The following SGMS1 variants were observed in gnomAD, a reference collection of about 807,000 sequenced individuals.
SGMS1 encodes the protein sphingomyelin synthase 1.
SGMS1 carries 13 observed loss-of-function variants against 46.2 expected under a neutral mutation model. That is an observed-to-expected ratio of 0.28 (90% CI 0.18 to 0.45). The LOEUF (loss-of-function observed/expected upper bound fraction) is 0.45, where lower values mean the gene tolerates loss of function less well. Ranked by LOEUF, SGMS1 falls within the 20% of genes least tolerant of loss-of-function variation. SGMS1 has a pLI of 1.00. For synonymous variants in SGMS1, 203 were observed against 187.8 expected (o/e 1.08, Z -0.66); for missense variants, 324 against 519.9 (o/e 0.62, Z 3.66).
At chr10:50,392,334 TAGAG>T (rs1564899632) in intron 6 of SGMS1, among the ~76,000 whole-genome samples, 1 of 152,210 alleles carries the variant, frequency 6.6e-6, no homozygotes, top group East Asian at 1.9e-4. Flanking sequence ...TATATCCATT[TAGAG>T]AGTCTTAATC....
chr10:50,369,230 G>C (rs1848396434), intron 6 of SGMS1, among the ~76,000 whole-genome samples: 1 of 152,202 alleles, frequency 6.6e-6, no homozygotes, highest in South Asian at 2.1e-4. Context: ...AGGTGCAGTG[G>C]CTCACATCTG....
intron 3 of SGMS1, among the ~76,000 whole-genome samples, chr10:50,491,038 C>T (rs1202844595): frequency 6.6e-6 from 1 of 152,074 alleles, no homozygotes; most frequent in Non-Finnish European, 1.5e-5. Flanking sequence ...CTGTAAACTG[C>T]TATTTAAAGA....
chr10:50,593,629 C>T (rs543910849), intron 1 of SGMS1, among the ~76,000 whole-genome samples: 1 of 151,994 alleles, frequency 6.6e-6, no homozygotes, highest in Non-Finnish European at 1.5e-5. Context: ...TTCCTTGGCT[C>T]CTCTTTATGG....
intron 1 of SGMS1, among the ~76,000 whole-genome samples, chr10:50,621,951 C>T (rs1174000933): frequency 1.3e-5 from 2 of 152,126 alleles, no homozygotes; most frequent in African/African-American, 4.8e-5. Flanking sequence ...TTTTAAGAGG[C>T]GCAGTAAGGA....
At chr10:50,419,199 G>A (rs1432970619) in intron 6 of SGMS1, among the ~76,000 whole-genome samples, 1 of 152,132 alleles carries the variant, frequency 6.6e-6, no homozygotes, top group East Asian at 1.9e-4. Flanking sequence ...TACTGATTAT[G>A]TAACAATGCA....
rs148550109 is a variant in SGMS1, at chr10:50,333,350, T to C, written c.624-6028A>G. ...GTCCTTTTCTACTTCTTTCTACAAA[T>C]GTTTGTTGCTTAAACCCTTTTATGT... On this transcript the variant is annotated intron_variant, in intron 7 of 10. Transcript: ENST00000361781. 1.7e-3 allele frequency among the ~76,000 whole-genome samples: 261 copies of C among 152,354 alleles called. 2 individuals carry two copies. The highest frequency in any genetic ancestry group is 2.1e-3 in the Non-Finnish European group (140 of 68,038).
chr10:50,367,430 T>A (rs1199169460), intron 6 of SGMS1, among the ~76,000 whole-genome samples: 2 of 152,196 alleles, frequency 1.3e-5, no homozygotes, highest in Non-Finnish European at 2.9e-5. Context: ...AAATTCTAAA[T>A]TCATGGCGCT....
At chr10:50,473,988 G>C (rs2133705708) in intron 3 of SGMS1, 1 of 152,352 alleles carries the variant, frequency 6.6e-6, no homozygotes, top group South Asian at 2.1e-4. Context: ...AAAGGAACTT[G>C]CCAGTTAGAT....
At chr10:50,517,834 C>A (rs564664764) in intron 3 of SGMS1, among the ~76,000 whole-genome samples, 29 of 151,894 alleles carry the variant, frequency 1.9e-4, no homozygotes, top group African/African-American at 6.8e-4. Flanking sequence ...GATGTCCTGA[C>A]GGCAAAAATG....
chr10:50,567,138 G>A lies in SGMS1; in HGVS notation c.-589+23015C>T, dbSNP rs377495991. 3.7e-3 allele frequency among the ~76,000 whole-genome samples: 557 copies of A among 152,252 alleles called. 3 individuals carry two copies. Among genetic ancestry groups the A allele is most frequent in the African/African-American group, 0.013 (536 of 41,540 alleles). ...ATTTTTGTATTTTTACTAGAGACGGGGTTTCACCATGTTGGCCAGGCTGGT... is the reference window on the plus strand; with the variant it reads ...ATTTTTGTATTTTTACTAGAGACGGAGTTTCACCATGTTGGCCAGGCTGGT... On this transcript the variant is annotated intron_variant, in intron 2 of 10. Transcript: ENST00000361781.
At chr10:50,608,075 A>G (rs1429525418) in intron 1 of SGMS1, among the ~76,000 whole-genome samples, 3 of 152,224 alleles carry the variant, frequency 2.0e-5, no homozygotes, top group African/African-American at 7.2e-5. Context: ...ACAAAACTGT[A>G]ATAATGTTTA....
chr10:50,564,887 G>C lies in SGMS1; in HGVS notation c.-589+25266C>G, dbSNP rs144687021. On this transcript the variant is annotated intron_variant, in intron 2 of 10. Coordinates refer to ENST00000361781, the MANE Select transcript of SGMS1 (RefSeq NM_147156.4). ...ATGTATACATCAGATTATTTAAAAGGGCTACGTTCACACTGGATGAACTTG... is the reference window on the plus strand; with the variant it reads ...ATGTATACATCAGATTATTTAAAAGCGCTACGTTCACACTGGATGAACTTG... 8.1e-4 allele frequency among the ~76,000 whole-genome samples: 123 copies of C among 151,494 alleles called. 1 individual carries two copies. Among genetic ancestry groups the C allele is most frequent in the African/African-American group, 2.6e-3 (108 of 41,206 alleles).
At chr10:50,440,687 C>T (rs901236900) in intron 5 of SGMS1, among the ~76,000 whole-genome samples, 5 of 152,146 alleles carry the variant, frequency 3.3e-5, no homozygotes, top group South Asian at 2.1e-4. Flanking sequence ...GCTGCAGCCA[C>T]GACTTCCTGC....
intron 6 of SGMS1, among the ~76,000 whole-genome samples, chr10:50,412,546 G>A (rs192695211): frequency 3.3e-5 from 5 of 152,274 alleles, no homozygotes; most frequent in Admixed American, 6.5e-5. Flanking sequence ...TGATACACAA[G>A]TGGAAGTGAC....
intron 5 of SGMS1, among the ~76,000 whole-genome samples, chr10:50,455,300 T>G (rs1029334210): frequency 1.3e-5 from 2 of 152,242 alleles, no homozygotes; most frequent in Non-Finnish European, 2.9e-5. Context: ...TATCCTGTTA[T>G]GTTTGCAAAT....
At chr10:50,605,058 G>T (rs1160015964) in intron 1 of SGMS1, among the ~76,000 whole-genome samples, 2 of 152,150 alleles carry the variant, frequency 1.3e-5, no homozygotes, top group Non-Finnish European at 2.9e-5. Flanking sequence ...TTACTACAAA[G>T]CTGGAAGCTA....
intron 2 of SGMS1, among the ~76,000 whole-genome samples, chr10:50,579,409 T>C (rs1838414002): frequency 6.6e-6 from 1 of 151,958 alleles, no homozygotes; most frequent in East Asian, 1.9e-4. Context: ...GATGCAAGTT[T>C]CCAAGAAATG....
At chr10:50,514,415 G>C (rs1564421984) in intron 3 of SGMS1, among the ~76,000 whole-genome samples, 1 of 152,120 alleles carries the variant, frequency 6.6e-6, no homozygotes, top group Non-Finnish European at 1.5e-5. Flanking sequence ...TTGCAGCTAG[G>C]AGTGGCTACG....
intron 6 of SGMS1, among the ~76,000 whole-genome samples, chr10:50,406,678 T>C (rs1424511918): frequency 2.7e-5 from 4 of 150,724 alleles, no homozygotes; most frequent in Non-Finnish European, 5.9e-5. Context: ...TTATCATTGC[T>C]CCAATCCTTT....
Sources: gnomAD v4.1 joint callset for allele counts (sites outside exome capture counted in the v4.1 genomes callset) on GRCh38, gnomAD v4.1.1 for gene constraint, MANE v1.5 for transcripts, NCBI Gene and HGNC (gene_info 2026-07-23, HGNC 2026-07-21) for gene names.